Variants in HMCN1 observed in about 807,000 individuals in gnomAD.
The protein encoded by HMCN1 is hemicentin-1.
In HMCN1, 321 loss-of-function variants were observed where a neutral mutation model predicts 625.9. The observed-to-expected ratio is 0.51, with a 90% CI of 0.47 to 0.56. The LOEUF (loss-of-function observed/expected upper bound fraction) is 0.56. Ranked by LOEUF, HMCN1 falls within the 20% of genes least tolerant of loss-of-function variation. The probability of loss-of-function intolerance (pLI) is 0.00; values close to 1 mark genes in which losing one functional copy is unlikely to be tolerated. For missense variants in HMCN1, 6,588 were observed against 6,887.3 expected (o/e 0.96, Z 1.54); for synonymous variants, 2,425 against 2,417.6 (o/e 1.00, Z -0.09).
chr1:186,145,550 G>A lies in HMCN1; in HGVS notation c.14414G>A (p.Arg4805Lys). The A allele has an allele frequency of 6.2e-7, 1 of 1,614,064 alleles. No individual in the cohort carries two copies. The highest frequency in any genetic ancestry group is 8.5e-7 in the Non-Finnish European group (1 of 1,179,978). The change falls in exon 92 of 107, where the codon AGG (arginine) becomes AAG (lysine). Residue 4805 changes from arginine to lysine, a missense_variant. Physicochemically the swap from Arg to Lys is conservative, Grantham distance 26. Coordinates refer to ENST00000271588, the MANE Select transcript of HMCN1 (RefSeq NM_031935.3). The stretch of plus-strand genomic sequence containing the variant: ...GGGGGACCAGACTCCCAGATCCAGA[G>A]GTGCAACACTGACATGTGTCCTGGT... ...ACGGPDSQIQRCNTDMCPVDG... is the reference protein window; with the variant it reads ...ACGGPDSQIQKCNTDMCPVDG...
intron 60 of HMCN1, 141 bp from the exon 61 acceptor site, chr1:186,087,791 A>G: frequency 8.8e-7 from 1 of 1,141,770 alleles, no homozygotes; most frequent in South Asian, 1.3e-5. Flanking sequence ...CTATTTTTAT[A>G]AAAAATAGCA....
chr1:185,832,033 C>T (rs984358692), intron 1 of HMCN1, among the ~76,000 whole-genome samples: 4 of 152,044 alleles, frequency 2.6e-5, no homozygotes, highest in South Asian at 2.1e-4. Flanking sequence ...TGGTGGCTCA[C>T]GCCTATAATT....
At position 186,023,173 on chromosome 1, in the gene HMCN1, T is replaced by G. The variant is rs1463855312; in HGVS notation, c.5749+20T>G. ...TTCATGGTAATGTAATTTCTACACC[T>G]TAACAAAAGAATATTTGTATCACTT... is the stretch of plus-strand genomic sequence containing the variant. On this transcript the variant is annotated intron_variant, in intron 36 of 106. Coordinates refer to ENST00000271588, the MANE Select transcript of HMCN1 (RefSeq NM_031935.3). 6.2e-7 allele frequency: 1 copy of G among 1,606,594 alleles called. No individual in the cohort carries two copies. Among genetic ancestry groups the G allele is most frequent in the African/African-American group, 1.3e-5 (1 of 74,692 alleles).
chr1:186,005,922 G>C (rs1653598701), intron 29 of HMCN1, among the ~76,000 whole-genome samples: 2 of 152,210 alleles, frequency 1.3e-5, no homozygotes, highest in East Asian at 3.9e-4. Context: ...GATCACCTGA[G>C]GTCAAGAGTT....
At chr1:186,030,306 A>G (rs1002285777) in intron 36 of HMCN1, among the ~76,000 whole-genome samples, 1 of 152,004 alleles carries the variant, frequency 6.6e-6, no homozygotes, top group Non-Finnish European at 1.5e-5. Flanking sequence ...TAACTTTTAT[A>G]GTTTTATTGT....
chr1:185,762,382 A>G (rs1190514593), intron 1 of HMCN1, among the ~76,000 whole-genome samples: 2 of 152,166 alleles, frequency 1.3e-5, no homozygotes, highest in African/African-American at 4.8e-5. Flanking sequence ...TCCTCTGGGT[A>G]CTTGTAACTT....
chr1:186,152,339 T>G (rs1571425687), intron 95 of HMCN1, among the ~76,000 whole-genome samples: 2 of 152,172 alleles, frequency 1.3e-5, no homozygotes, highest in Admixed American at 1.3e-4. Context: ...ATTTAATCAG[T>G]GGAGAAGACA....
At position 185,994,879 on chromosome 1, in the gene HMCN1, T is replaced by C. The variant is rs1652677875; in HGVS notation, c.3570T>C (p.Ile1190=). 6.2e-7 allele frequency: 1 copy of C among 1,613,644 alleles called. No homozygotes were observed. Among genetic ancestry groups the C allele is most frequent in the Non-Finnish European group, 8.5e-7 (1 of 1,179,768 alleles). ...TCCAAGTTGGTCAAAGAGTGGATAT[T>C]CCATGTAATGCTCAAGGGACTCCTC... ...LKVQVGQRVD[I]PCNAQGTPLP... is the part of the protein sequence containing the mutation. Residue 1190 remains isoleucine, a synonymous_variant, in exon 24 of 107, where the codon ATT becomes ATC. Coordinates refer to ENST00000271588, the MANE Select transcript of HMCN1 (RefSeq NM_031935.3).
intron 1 of HMCN1, among the ~76,000 whole-genome samples, chr1:185,758,798 T>G (rs1557946310): frequency 6.6e-6 from 1 of 152,210 alleles, no homozygotes; most frequent in Admixed American, 6.5e-5. Flanking sequence ...GTTAGAGAGT[T>G]AAAATTTATT....
At chr1:185,757,227 C>T (rs948331447) in intron 1 of HMCN1, among the ~76,000 whole-genome samples, 3 of 152,184 alleles carry the variant, frequency 2.0e-5, no homozygotes, top group Non-Finnish European at 4.4e-5. Flanking sequence ...CCCACCTCGG[C>T]CTCCCAAAGT....
chr1:186,106,988 C>T (rs1360938522), intron 70 of HMCN1, 23 bp downstream of exon 70: 10 of 1,420,514 alleles, frequency 7.0e-6, no homozygotes, highest in Non-Finnish European at 1.0e-5. Context: ...AAATATCCTA[C>T]AGTCTATCAT....
In HMCN1 at chr1:185,870,035, T is replaced by TA. The variant is rs1558028725; in HGVS notation, c.621+4172_621+4173insA. ...TACTGCGTTCTGTTTTTTTTTTTTT[T>TA]TAAAAAAAAACAATGATTAAGTAGA... On this transcript the variant is annotated intron_variant, in intron 4 of 106. Coordinates refer to ENST00000271588, the MANE Select transcript of HMCN1 (RefSeq NM_031935.3). 2.8e-4 allele frequency among the ~76,000 whole-genome samples: 42 copies of TA among 151,124 alleles called. 1 individual carries two copies. The highest frequency in any genetic ancestry group is 1.0e-3 in the South Asian group (5 of 4,804).
intron 42 of HMCN1, among the ~76,000 whole-genome samples, chr1:186,052,005 C>CA (rs1181497877): frequency 6.6e-5 from 10 of 151,976 alleles, no homozygotes; most frequent in South Asian, 6.2e-4. Flanking sequence ...ACTGAGTAGA[C>CA]AGAGTATTTA....
At chr1:186,105,098 T>G (rs1386492463) in intron 69 of HMCN1, among the ~76,000 whole-genome samples, 10 of 152,160 alleles carry the variant, frequency 6.6e-5, no homozygotes, top group Non-Finnish European at 4.4e-5. Flanking sequence ...ATGGCCAGAT[T>G]TACCATGTGT....
At chr1:186,075,944 A>C (rs1156354222) in intron 53 of HMCN1, among the ~76,000 whole-genome samples, 1 of 152,196 alleles carries the variant, frequency 6.6e-6, no homozygotes, top group Non-Finnish European at 1.5e-5. Flanking sequence ...CATAAAGTTC[A>C]TACTTGTCCC....
rs559721595 is a variant in HMCN1, at chr1:186,184,967, A to G, written c.16414+2680A>G. Among the ~76,000 whole-genome samples, 7 of 152,290 alleles carry G rather than the reference A, an allele frequency of 4.6e-5. No homozygotes were observed. In the South Asian group the frequency reaches 1.0e-3, roughly 23 times the overall value. ...AGAATAGTGAGTAGAGTAAATAAGTAGAGTGACTGGATTCCTAGAGAGAAT... is the reference window on the plus strand; with the variant it reads ...AGAATAGTGAGTAGAGTAAATAAGTGGAGTGACTGGATTCCTAGAGAGAAT... On this transcript the variant is annotated intron_variant, in intron 105 of 106. Coordinates refer to ENST00000271588, the MANE Select transcript of HMCN1 (RefSeq NM_031935.3).
intron 46 of HMCN1, 128 bp downstream of exon 46, chr1:186,057,529 AATC>A (rs1657419337): frequency 1.5e-6 from 1 of 674,038 alleles, no homozygotes; most frequent in East Asian, 2.7e-5. Flanking sequence ...AATATTCACT[AATC>A]ATATTAAGAA....
intron 1 of HMCN1, among the ~76,000 whole-genome samples, chr1:185,769,750 T>G (rs967564483): frequency 2.0e-5 from 3 of 152,146 alleles, no homozygotes; most frequent in African/African-American, 7.2e-5. Context: ...CTGATGCCTG[T>G]GTGATAAGCT....
chr1:186,131,502 CTG>C (rs547112061), intron 85 of HMCN1, among the ~76,000 whole-genome samples: 1 of 152,218 alleles, frequency 6.6e-6, no homozygotes, highest in South Asian at 2.1e-4. Flanking sequence ...ATTCCTAAAA[CTG>C]TAGTATCTCC....
Sources: gnomAD v4.1 joint callset for allele counts (sites outside exome capture counted in the v4.1 genomes callset) on GRCh38, gnomAD v4.1.1 for gene constraint, MANE v1.5 for transcripts, NCBI Gene and HGNC (gene_info 2026-07-23, HGNC 2026-07-21) for gene names.